Variants in CLDN14 observed in about 807,000 individuals in gnomAD.
The protein encoded by CLDN14 is claudin 14.
Under a neutral mutation model 2.1 loss-of-function variants are expected in CLDN14, and 2 were observed. That is an observed-to-expected ratio of 0.96 (90% CI 0.39 to 3.01). The LOEUF (loss-of-function observed/expected upper bound fraction) is 3.01. Ranked by LOEUF, CLDN14 falls within the 30% of genes most tolerant of loss-of-function variation. The pLI is 0.09. For missense variants in CLDN14, 298 were observed against 328.0 expected, an observed-to-expected ratio of 0.91 and a Z score of 0.71; for synonymous variants, 136 against 154.4, an observed-to-expected ratio of 0.88 and a Z score of 0.88.
upstream of CLDN14, among the ~76,000 whole-genome samples, chr21:36,484,230 G>A (rs566241962): frequency 3.3e-5 from 5 of 152,284 alleles, no homozygotes; most frequent in East Asian, 9.6e-4. Flanking sequence ...TTCTATTTAC[G>A]CATGCATGTC....
At chr21:36,484,524 A>G (rs1214843661), upstream of CLDN14, among the ~76,000 whole-genome samples, 3 of 152,138 alleles carry the variant, frequency 2.0e-5, no homozygotes, top group African/African-American at 7.2e-5. Context: ...GACTGGGTAG[A>G]TGCCTTCCTG....
chr21:36,520,270 T>C (rs1242017031), intron 1 of CLDN14, among the ~76,000 whole-genome samples: 1 of 152,210 alleles, frequency 6.6e-6, no homozygotes, highest in Non-Finnish European at 1.5e-5. Flanking sequence ...ACTCCTCCAG[T>C]GTGACCTCAT....
chr21:36,562,318 C>T (rs1393999060), intron 1 of CLDN14, among the ~76,000 whole-genome samples: 1 of 152,092 alleles, frequency 6.6e-6, no homozygotes, highest in African/African-American at 2.4e-5. Flanking sequence ...ATTTGAGTCA[C>T]CAGGAGGGAC....
chr21:36,504,968 G>A (rs2087119205), intron 2 of CLDN14, among the ~76,000 whole-genome samples: 1 of 152,178 alleles, frequency 6.6e-6, no homozygotes, highest in African/African-American at 2.4e-5. Context: ...CCTGGGCATT[G>A]ACCCAGGCCC....
intron 1 of CLDN14, among the ~76,000 whole-genome samples, chr21:36,573,767 C>T (rs2087724648): frequency 1.3e-5 from 2 of 152,024 alleles, no homozygotes; most frequent in African/African-American, 4.8e-5. Flanking sequence ...TTTCTATATG[C>T]CAGTAACAAA....
chr21:36,518,615 A>AAAC (rs36007215), intron 1 of CLDN14, among the ~76,000 whole-genome samples: 5 of 151,968 alleles, frequency 3.3e-5, no homozygotes, highest in Non-Finnish European at 7.4e-5. Context: ...ACAAACAAAC[A>AAAC]AACAACAACA....
At chr21:36,513,659 G>A (rs2087202101) in intron 1 of CLDN14, among the ~76,000 whole-genome samples, 1 of 152,120 alleles carries the variant, frequency 6.6e-6, no homozygotes, top group South Asian at 2.1e-4. Flanking sequence ...AATGAGAAGG[G>A]GTCATAAGCC....
chr21:36,471,329 T>C (rs1233997183), intron 1 of CLDN14, among the ~76,000 whole-genome samples: 1 of 152,236 alleles, frequency 6.6e-6, no homozygotes, highest in Non-Finnish European at 1.5e-5. Context: ...GAAAGTCCCC[T>C]GCAAATTTGA....
At chr21:36,473,621 G>A (rs1253084835) in intron 1 of CLDN14, among the ~76,000 whole-genome samples, 1 of 152,186 alleles carries the variant, frequency 6.6e-6, no homozygotes, top group South Asian at 2.1e-4. Context: ...GTAAGTGCAG[G>A]GTTCAGGGAG....
intron 1 of CLDN14, among the ~76,000 whole-genome samples, chr21:36,514,021 T>A (rs1050204228): frequency 2.8e-4 from 42 of 151,948 alleles, no homozygotes; most frequent in African/African-American, 9.9e-4. Context: ...TTATTATTTA[T>A]TGATTTATAT....
chr21:36,561,129 G>T (rs2087631665), intron 1 of CLDN14, among the ~76,000 whole-genome samples: 1 of 152,202 alleles, frequency 6.6e-6, no homozygotes, highest in Non-Finnish European at 1.5e-5. Context: ...GTTTGTGGAT[G>T]TGTCGCAATC....
intron 1 of CLDN14, among the ~76,000 whole-genome samples, chr21:36,469,753 A>G (rs1453932855): frequency 6.6e-6 from 1 of 152,236 alleles, no homozygotes; most frequent in Non-Finnish European, 1.5e-5. Flanking sequence ...CCATGACCAC[A>G]AAAATTAAAA....
intron 1 of CLDN14, among the ~76,000 whole-genome samples, chr21:36,553,934 T>C (rs1031319457): frequency 6.6e-6 from 1 of 152,164 alleles, no homozygotes; most frequent in African/African-American, 2.4e-5. Flanking sequence ...GTGCATATCA[T>C]TGGCTATGGC....
chr21:36,503,019 C>A (rs553121024), intron 2 of CLDN14, among the ~76,000 whole-genome samples: 2 of 152,294 alleles, frequency 1.3e-5, no homozygotes, highest in Non-Finnish European at 2.9e-5. Flanking sequence ...TTCTAACATG[C>A]AGCCAGCTTG....
At chr21:36,554,598 A>G (rs1237958135) in intron 1 of CLDN14, among the ~76,000 whole-genome samples, 1 of 152,200 alleles carries the variant, frequency 6.6e-6, no homozygotes, top group African/African-American at 2.4e-5. Flanking sequence ...AAGGCAAGGC[A>G]CAGAGAGGTT....
chr21:36,562,322 G>C (rs1022194190), intron 1 of CLDN14, among the ~76,000 whole-genome samples: 5 of 152,154 alleles, frequency 3.3e-5, no homozygotes, highest in Admixed American at 1.3e-4. Context: ...GAGTCACCAG[G>C]AGGGACCCAA....
chr21:36,560,885 T>C (rs374559474), intron 1 of CLDN14, among the ~76,000 whole-genome samples: 4 of 152,358 alleles, frequency 2.6e-5, no homozygotes, highest in African/African-American at 9.6e-5. Flanking sequence ...TCAAAGTATC[T>C]GTGGTAAGAA....
chr21:36,523,948 C>T (rs140110309), intron 1 of CLDN14, among the ~76,000 whole-genome samples: 2,948 of 152,008 alleles, frequency 0.019, 30 homozygotes, highest in Middle Eastern at 0.034. Flanking sequence ...CTGAGGGACA[C>T]AAAGCAGCAC....
chr21:36,492,562 G>A (rs926695675), intron 2 of CLDN14, among the ~76,000 whole-genome samples: 1 of 152,104 alleles, frequency 6.6e-6, no homozygotes, highest in Non-Finnish European at 1.5e-5. Flanking sequence ...CCGGGAGGTG[G>A]AGGTTGCAGT....
Sources: gnomAD v4.1 joint callset for allele counts (sites outside exome capture counted in the v4.1 genomes callset) on GRCh38, gnomAD v4.1.1 for gene constraint, MANE v1.5 for transcripts, NCBI Gene and HGNC (gene_info 2026-07-23, HGNC 2026-07-21) for gene names.